Variants in GPC6 observed in about 807,000 individuals in gnomAD.
GPC6 encodes glypican-6.
A neutral mutation model predicts 55.2 loss-of-function variants in GPC6; 14 were observed. That is an observed-to-expected ratio of 0.25 (90% confidence interval 0.17 to 0.40). The LOEUF (loss-of-function observed/expected upper bound fraction) is 0.40, where lower values mean the gene tolerates loss of function less well. Ranked by LOEUF, GPC6 falls within the 10% of genes least tolerant of loss-of-function variation. The probability of loss-of-function intolerance (pLI) is 1.00; values close to 1 mark genes in which losing one functional copy is unlikely to be tolerated. For synonymous variants in GPC6, 278 were observed against 259.6 expected, an observed-to-expected ratio of 1.07 and a Z score of -0.68; for missense variants, 641 against 708.5, an observed-to-expected ratio of 0.90 and a Z score of 1.08.
intron 6 of GPC6, among the ~76,000 whole-genome samples, chr13:94,308,855 C>G (rs1215186306): frequency 6.6e-6 from 1 of 152,202 alleles, no homozygotes; most frequent in Non-Finnish European, 1.5e-5. Context: ...AACAGAGTCT[C>G]AGCAGCCATT....
chr13:93,612,363 G>A (rs1473264449), intron 2 of GPC6, among the ~76,000 whole-genome samples: 1 of 152,090 alleles, frequency 6.6e-6, no homozygotes, highest in African/African-American at 2.4e-5. Context: ...GCCGAGCATG[G>A]TGGCACGTAC....
chr13:93,647,520 A>G (rs973239293), intron 2 of GPC6, among the ~76,000 whole-genome samples: 1 of 152,120 alleles, frequency 6.6e-6, no homozygotes, highest in African/African-American at 2.4e-5. Flanking sequence ...AACTCATGAG[A>G]ACTAAGGGAT....
chr13:94,203,419 G>A (rs1434582904), intron 4 of GPC6, among the ~76,000 whole-genome samples: 1 of 151,960 alleles, frequency 6.6e-6, no homozygotes, highest in Non-Finnish European at 1.5e-5. Context: ...GCAATGAGAA[G>A]CTTTACACAA....
intron 1 of GPC6, among the ~76,000 whole-genome samples, chr13:93,346,512 C>T (rs192171155): frequency 6.6e-6 from 1 of 152,144 alleles, no homozygotes; most frequent in Non-Finnish European, 1.5e-5. Context: ...CCATGGGTGA[C>T]AGTTTCCCTG....
Position 94,182,787 on chromosome 13 carries a change from T to C in GPC6, c.878-103562T>C, listed in dbSNP as rs1315550676. Among the ~76,000 whole-genome samples, 3 of 152,160 alleles carry C rather than the reference T, an allele frequency of 2.0e-5. No homozygotes were observed. In the East Asian group the frequency reaches 5.8e-4, roughly 29 times the overall value. On this transcript the variant is annotated intron_variant, in intron 4 of 8. Coordinates refer to ENST00000377047, the MANE Select transcript of GPC6 (RefSeq NM_005708.5). Reference sequence around the variant, plus strand: ...ATTTTAACCATTTTATTTATGTATGTATATTTTTGAGACAGGGTCTCACTC... The same window carrying C: ...ATTTTAACCATTTTATTTATGTATGCATATTTTTGAGACAGGGTCTCACTC...
intron 2 of GPC6, among the ~76,000 whole-genome samples, chr13:93,572,813 A>G (rs1876470511): frequency 6.6e-6 from 1 of 152,134 alleles, no homozygotes; most frequent in Non-Finnish European, 1.5e-5. Flanking sequence ...TGCTTGAACT[A>G]TGATCACAAA....
chr13:93,839,041 TA>T (rs1887850732), intron 3 of GPC6, among the ~76,000 whole-genome samples: 1 of 151,722 alleles, frequency 6.6e-6, no homozygotes, highest in African/African-American at 2.4e-5. Context: ...CTCCTGAAAG[TA>T]AAGAGAGAGA....
intron 2 of GPC6, among the ~76,000 whole-genome samples, chr13:93,708,746 C>T (rs1008367504): frequency 6.6e-6 from 1 of 151,628 alleles, no homozygotes; most frequent in Non-Finnish European, 1.5e-5. Context: ...TTATGGTAAG[C>T]CAGGCCACTA....
chr13:93,847,448 G>A (rs7326965), intron 3 of GPC6, among the ~76,000 whole-genome samples: 64,234 of 151,950 alleles, frequency 0.42, 14,831 homozygotes, highest in African/African-American at 0.61. Flanking sequence ...TTGTGTTCAC[G>A]TAGATTTGAG....
At chr13:93,271,245 C>T (rs919322151) in intron 1 of GPC6, among the ~76,000 whole-genome samples, 1 of 152,162 alleles carries the variant, frequency 6.6e-6, no homozygotes, top group Non-Finnish European at 1.5e-5. Flanking sequence ...CCTCCTATCT[C>T]TTGACCTTTA....
intron 3 of GPC6, among the ~76,000 whole-genome samples, chr13:93,884,224 C>T (rs1875180199): frequency 6.6e-6 from 1 of 152,102 alleles, no homozygotes; most frequent in Non-Finnish European, 1.5e-5. Flanking sequence ...GAACTGTTTC[C>T]TCTTTTCCCC....
chr13:93,653,608 G>A (rs374876930), intron 2 of GPC6, among the ~76,000 whole-genome samples: 3 of 133,386 alleles, frequency 2.2e-5, no homozygotes, highest in Non-Finnish European at 4.8e-5. Flanking sequence ...GTGTGTGTGT[G>A]TGTGTACATA....
rs575512562 is a variant in GPC6, at chr13:93,464,816, T to A, written c.161-80447T>A. ...TTTCAATTGACTTTGGCCAGATCCA[T>A]CAGAGGAATCACTATCTATGGAAGT... is the stretch of plus-strand genomic sequence containing the variant. On this transcript the variant is annotated intron_variant, in intron 1 of 8. Coordinates refer to ENST00000377047, the MANE Select transcript of GPC6 (RefSeq NM_005708.5). 3.1e-4 allele frequency among the ~76,000 whole-genome samples: 47 copies of A among 152,328 alleles called. No individual in the cohort carries two copies. In the South Asian group the frequency reaches 6.4e-3, roughly 21 times the overall value.
intron 1 of GPC6, among the ~76,000 whole-genome samples, chr13:93,332,331 G>C (rs1276070800): frequency 6.8e-6 from 1 of 146,982 alleles, no homozygotes; most frequent in Non-Finnish European, 1.5e-5. Context: ...ACATTCCCAC[G>C]CAACAGTGTG....
intron 2 of GPC6, among the ~76,000 whole-genome samples, chr13:93,815,732 T>C (rs73549590): frequency 0.01 from 1,544 of 152,336 alleles, 22 homozygotes; most frequent in African/African-American, 0.036. Flanking sequence ...TACACAATAA[T>C]ACTTTGTCTC....
At chr13:93,264,603 G>A (rs1193879364) in intron 1 of GPC6, among the ~76,000 whole-genome samples, 2 of 151,886 alleles carry the variant, frequency 1.3e-5, no homozygotes, top group Non-Finnish European at 2.9e-5. Context: ...TAGAAACAAG[G>A]TCTCATTATG....
intron 4 of GPC6, among the ~76,000 whole-genome samples, chr13:94,067,156 C>A (rs1451316436): frequency 2.0e-5 from 3 of 152,148 alleles, no homozygotes; most frequent in Non-Finnish European, 4.4e-5. Context: ...AAAATACCTA[C>A]TCAAATTCCA....
rs1487544843 is a variant in GPC6, at chr13:93,264,308, C to T, written c.160+36692C>T. ...ATCCATAGGGAATTGGTCCCAGGAC[C>T]CCCTGTGGCTACCAAAATGCACAGA... On this transcript the variant is annotated intron_variant, in intron 1 of 8. Transcript: ENST00000377047. 2.0e-5 allele frequency among the ~76,000 whole-genome samples: 3 copies of T among 152,094 alleles called. No homozygotes were observed. In the East Asian group the frequency reaches 5.8e-4, roughly 29 times the overall value.
chr13:93,626,140 GCATC>G (rs1879191669), intron 2 of GPC6, among the ~76,000 whole-genome samples: 3 of 152,148 alleles, frequency 2.0e-5, no homozygotes, highest in Admixed American at 2.0e-4. Flanking sequence ...TAGCTGAATA[GCATC>G]CTGTAAGGAA....
Sources: gnomAD v4.1 joint callset for allele counts (sites outside exome capture counted in the v4.1 genomes callset) on GRCh38, gnomAD v4.1.1 for gene constraint, MANE v1.5 for transcripts, NCBI Gene and HGNC (gene_info 2026-07-23, HGNC 2026-07-21) for gene names.